Variants in EXOC4 observed in about 807,000 individuals in gnomAD.
EXOC4 encodes the protein SEC8-like 1.
EXOC4 carries 71 observed loss-of-function variants against 107.2 expected under a neutral mutation model. That is an observed-to-expected ratio of 0.66 (90% CI 0.55 to 0.81). EXOC4 has a LOEUF of 0.81. Among genes scored for constraint, EXOC4 ranks in the 30% least tolerant of loss-of-function variants. The pLI is 0.00. For missense variants in EXOC4, 1,108 were observed against 1,189.6 expected, an observed-to-expected ratio of 0.93 and a Z score of 1.01; for synonymous variants, 456 against 441.2, an observed-to-expected ratio of 1.03 and a Z score of -0.42.
chr7:133,737,911 T>TTTTC (rs901474562), intron 10 of EXOC4, among the ~76,000 whole-genome samples: 2 of 132,282 alleles, frequency 1.5e-5, no homozygotes, highest in Non-Finnish European at 3.2e-5. Flanking sequence ...TTTTCTTTCT[T>TTTTC]TTTTTTTTTT....
the EXOC4 span, among the ~76,000 whole-genome samples, chr7:134,079,944 A>G: frequency 6.6e-6 from 1 of 152,172 alleles, no homozygotes; most frequent in Admixed American, 6.5e-5. Context: ...TCCCTCTCCA[A>G]GGATACAGAG....
At chr7:133,403,548 T>G (rs1351628978) in intron 7 of EXOC4, among the ~76,000 whole-genome samples, 3 of 152,210 alleles carry the variant, frequency 2.0e-5, no homozygotes, top group Non-Finnish European at 4.4e-5. Flanking sequence ...TCCTGTCTGT[T>G]TGCTTAACTC....
At chr7:133,952,165 A>G (rs1032723054) in intron 14 of EXOC4, among the ~76,000 whole-genome samples, 5 of 139,326 alleles carry the variant, frequency 3.6e-5, no homozygotes, top group African/African-American at 1.2e-4. Context: ...CTCAGAAAAA[A>G]AAAAAGAAAA....
At chr7:133,311,743 A>G (rs1477692691) in intron 4 of EXOC4, among the ~76,000 whole-genome samples, 1 of 152,248 alleles carries the variant, frequency 6.6e-6, no homozygotes, top group Non-Finnish European at 1.5e-5. Flanking sequence ...TATGTCATAT[A>G]ACGCTTTAAT....
intron 1 of EXOC4, 98 bp downstream of exon 1, chr7:133,253,285 C>CTTCA: frequency 6.8e-7 from 1 of 1,465,126 alleles, no homozygotes; most frequent in Non-Finnish European, 9.1e-7. Flanking sequence ...CCTGCTCTCC[C>CTTCA]CTTTCCTCCT....
chr7:133,915,713 T>A (rs6968169), intron 12 of EXOC4, among the ~76,000 whole-genome samples: 3,404 of 152,154 alleles, frequency 0.022, 113 homozygotes, highest in African/African-American at 0.073. Context: ...GATTGTTGGA[T>A]TAGTCCATAA....
At position 133,325,490 on chromosome 7, in the gene EXOC4, G is replaced by T. The variant is rs566474637; in HGVS notation, c.763+8100G>T. Among the ~76,000 whole-genome samples the T allele has an allele frequency of 6.6e-5, 10 of 152,270 alleles. No homozygotes were observed. In the East Asian group the frequency reaches 1.9e-3, roughly 29 times the overall value. ...TTTGAAGCTTAGTTTGGCTGGATATGAAATTCTGGGCTGAAAATTCTTTTC... is the reference window on the plus strand; with the variant it reads ...TTTGAAGCTTAGTTTGGCTGGATATTAAATTCTGGGCTGAAAATTCTTTTC... On this transcript the variant is annotated intron_variant, in intron 5 of 17. Coordinates refer to ENST00000253861, the MANE Select transcript of EXOC4 (RefSeq NM_021807.4).
intron 14 of EXOC4, among the ~76,000 whole-genome samples, chr7:133,974,557 T>C (rs1294802858): frequency 6.6e-6 from 1 of 152,234 alleles, no homozygotes; most frequent in African/African-American, 2.4e-5. Flanking sequence ...ATCTTAGATA[T>C]TATTCTCCAG....
chr7:134,040,562 A>G (rs1285383255), intron 17 of EXOC4, among the ~76,000 whole-genome samples: 2 of 152,166 alleles, frequency 1.3e-5, no homozygotes, highest in Admixed American at 1.3e-4. Flanking sequence ...AATGAAGCAC[A>G]TGGCGTAAAA....
Position 133,401,278 on chromosome 7 carries a change from C to T in EXOC4, c.1182+26276C>T, listed in dbSNP as rs529056182. On this transcript the variant is annotated intron_variant, in intron 7 of 17. Coordinates refer to ENST00000253861, the MANE Select transcript of EXOC4 (RefSeq NM_021807.4). ...ATTTAGTTTCAGTGCCTGTTTTCTT[C>T]TCTTTCCTATTCAGTCAACTATTTA... 2.0e-5 allele frequency among the ~76,000 whole-genome samples: 3 copies of T among 150,734 alleles called. No homozygotes were observed. The East Asian group carries it at 5.9e-4, about 29-fold the overall frequency.
At chr7:133,814,068 A>T (rs1312696038) in intron 10 of EXOC4, among the ~76,000 whole-genome samples, 6 of 152,202 alleles carry the variant, frequency 3.9e-5, no homozygotes, top group Non-Finnish European at 7.3e-5. Context: ...CTAATACATT[A>T]ACAGTTTTTA....
chr7:133,853,470 A>G lies in EXOC4; in HGVS notation c.1734+35926A>G, dbSNP rs190611210. 4.6e-3 allele frequency among the ~76,000 whole-genome samples: 699 copies of G among 151,766 alleles called. 6 individuals are homozygous for G. The highest frequency in any genetic ancestry group is 0.016 in the African/African-American group (666 of 41,372). On this transcript the variant is annotated intron_variant, in intron 11 of 17. Transcript: ENST00000253861. Reference sequence around the variant, plus strand: ...GGTCTTGAACTTGTAGGCTCAAGCAATCCTCCCACCTCAACTTCTTGAGTA... The same window carrying G: ...GGTCTTGAACTTGTAGGCTCAAGCAGTCCTCCCACCTCAACTTCTTGAGTA...
At chr7:134,099,954 G>A in the EXOC4 span, among the ~76,000 whole-genome samples, 3 of 151,948 alleles carry the variant, frequency 2.0e-5, no homozygotes, top group Admixed American at 6.6e-5. Flanking sequence ...TGACCCACCC[G>A]CCTCAGCCTC....
chr7:134,012,784 G>A (rs1162877583), intron 17 of EXOC4, among the ~76,000 whole-genome samples: 1 of 152,222 alleles, frequency 6.6e-6, no homozygotes, highest in Non-Finnish European at 1.5e-5. Flanking sequence ...GTACCCCACT[G>A]TTGAGACGCT....
intron 5 of EXOC4, among the ~76,000 whole-genome samples, chr7:133,324,868 G>T (rs1456554732): frequency 6.6e-6 from 1 of 152,098 alleles, no homozygotes; most frequent in Non-Finnish European, 1.5e-5. Context: ...GGTCTCTAAG[G>T]ACTTGCTTTA....
chr7:133,370,291 T>C (rs1019616363), intron 6 of EXOC4, among the ~76,000 whole-genome samples: 1 of 151,930 alleles, frequency 6.6e-6, no homozygotes, highest in African/African-American at 2.4e-5. Flanking sequence ...AGCTAGTTTT[T>C]TAATTTTAAT....
chr7:133,281,790 C>T (rs1195802983), intron 2 of EXOC4, among the ~76,000 whole-genome samples: 1 of 151,558 alleles, frequency 6.6e-6, no homozygotes, highest in Non-Finnish European at 1.5e-5. Context: ...CAACCTTCGC[C>T]TCCCGGGTTC....
intron 9 of EXOC4, among the ~76,000 whole-genome samples, chr7:133,581,757 C>CAAAA (rs71162005): frequency 3.4e-4 from 28 of 82,828 alleles, no homozygotes; most frequent in Non-Finnish European, 4.3e-4. Context: ...GACTCCGTCT[C>CAAAA]AAAAAAAAAA....
intron 9 of EXOC4, among the ~76,000 whole-genome samples, chr7:133,542,354 G>A (rs1349060665): frequency 6.6e-6 from 1 of 152,144 alleles, no homozygotes; most frequent in Non-Finnish European, 1.5e-5. Flanking sequence ...AGGCCTGTGT[G>A]TCTCTAGATT....
Sources: gnomAD v4.1 joint callset for allele counts (sites outside exome capture counted in the v4.1 genomes callset) on GRCh38, gnomAD v4.1.1 for gene constraint, MANE v1.5 for transcripts, NCBI Gene and HGNC (gene_info 2026-07-23, HGNC 2026-07-21) for gene names.